The following VPS13D variants were observed in gnomAD, a reference collection of about 807,000 sequenced individuals.
VPS13D encodes vacuolar protein sorting 13 homolog D.
Under a neutral mutation model 461.9 loss-of-function variants are expected in VPS13D, and 187 were observed. The ratio of observed to expected loss-of-function variants is 0.40; its 90% CI spans 0.36 to 0.46. The LOEUF (loss-of-function observed/expected upper bound fraction) is 0.46. VPS13D is among the 20% of genes least tolerant of loss of function. The pLI, the probability that VPS13D is intolerant of heterozygous loss-of-function variation, is 0.60. For missense variants in VPS13D, 4,711 were observed against 5,364.9 expected (o/e 0.88, Z 3.81); for synonymous variants, 1,951 against 1,986.3 (o/e 0.98, Z 0.47).
intron 67 of VPS13D, among the ~76,000 whole-genome samples, chr1:12,493,183 TAAAAA>T (rs779968098): frequency 1.7e-5 from 2 of 116,772 alleles, no homozygotes; most frequent in Non-Finnish European, 3.6e-5. Context: ...GACCAGTTAT[TAAAAA>T]AAAAAAAAAA....
At chr1:12,288,188 T>C (rs369455158) in intron 21 of VPS13D, 35 bp from the exon 22 acceptor site, 2 of 1,555,942 alleles carry the variant, frequency 1.3e-6, no homozygotes, top group Non-Finnish European at 1.8e-6. Context: ...TTCTCCCCAG[T>C]AATATTGGCC....
intron 6 of VPS13D, among the ~76,000 whole-genome samples, chr1:12,252,281 C>T (rs1242580326): frequency 6.6e-6 from 1 of 152,124 alleles, no homozygotes; most frequent in Admixed American, 6.5e-5. Context: ...AGCTACTTTT[C>T]TCAACTCTTA....
rs541696002 is a variant in VPS13D, at chr1:12,242,454, A to G, written c.98-59A>G. 847 of 1,457,590 alleles carry G rather than the reference A, an allele frequency of 5.8e-4. 14 individuals are homozygous for G. The South Asian group carries it at 9.2e-3, about 16-fold the overall frequency. The allele number at this position is 1,457,590 out of a possible 1,614,324, so 90.3% of individuals were successfully genotyped here. ...CTTTAACCTTCAATGCTTTACACACAGTAGGTGGCCTACTGTATTTGTTAA... is the reference window on the plus strand; with the variant it reads ...CTTTAACCTTCAATGCTTTACACACGGTAGGTGGCCTACTGTATTTGTTAA... On this transcript the variant is annotated intron_variant, in intron 2 of 69. Transcript: ENST00000620676.
rs1227811613 is a variant in VPS13D, at chr1:12,282,825, C to G, written c.4723C>G (p.Leu1575Val). Residue 1575 changes from leucine to valine, a missense_variant, in exon 21 of 70, where the codon CTG becomes GTG. Leu to Val is a conservative substitution (Grantham distance 32). Transcript: ENST00000620676. ...ATSSPCPDSP[L>V]PPLSTCGESS... ...CTCCTCCCCTTGCCCTGATTCTCCT[C>G]TGCCTCCCCTCAGTACCTGTGGAGA... The G allele has an allele frequency of 6.2e-7, 1 of 1,614,172 alleles. No individual in the cohort carries two copies. The highest frequency in any genetic ancestry group is 2.2e-5 in the East Asian group (1 of 44,884).
chr1:12,493,123 C>T (rs1450043951), intron 67 of VPS13D, among the ~76,000 whole-genome samples: 1 of 147,940 alleles, frequency 6.8e-6, no homozygotes, highest in African/African-American at 2.5e-5. Flanking sequence ...TAAAGAGAGC[C>T]CAATGATGAG....
At chr1:12,294,299 T>A (rs1642214348) in intron 24 of VPS13D, among the ~76,000 whole-genome samples, 1 of 152,260 alleles carries the variant, frequency 6.6e-6, no homozygotes, top group Non-Finnish European at 1.5e-5. Context: ...GCATAACTTC[T>A]CAAACTTGGA....
intron 60 of VPS13D, among the ~76,000 whole-genome samples, chr1:12,395,055 C>A (rs780084945): frequency 6.6e-6 from 1 of 152,170 alleles, no homozygotes; most frequent in Non-Finnish European, 1.5e-5. Context: ...AACCTCACAT[C>A]TAGGGGCCTG....
intron 2 of VPS13D, among the ~76,000 whole-genome samples, chr1:12,236,158 T>C (rs1640140550): frequency 6.6e-6 from 1 of 152,208 alleles, no homozygotes; most frequent in Non-Finnish European, 1.5e-5. Context: ...TGAAGAATGC[T>C]TCTCCGCAGG....
chr1:12,327,514 G>T (rs992031407), intron 35 of VPS13D, 134 bp from the exon 36 acceptor site: 16 of 342,076 alleles, frequency 4.7e-5, no homozygotes, highest in Non-Finnish European at 1.0e-5. Flanking sequence ...TTAAGTCCAA[G>T]AATACTTCTG....
intron 67 of VPS13D, among the ~76,000 whole-genome samples, chr1:12,486,645 A>G (rs887274004): frequency 6.6e-6 from 1 of 152,066 alleles, no homozygotes; most frequent in African/African-American, 2.4e-5. Flanking sequence ...TGTCCCCCCC[A>G]CGTTGGAATG....
chr1:12,458,162 A>T (rs1283140589), intron 66 of VPS13D, among the ~76,000 whole-genome samples: 1 of 152,240 alleles, frequency 6.6e-6, no homozygotes, highest in African/African-American at 2.4e-5. Context: ...CTTCATCCAA[A>T]GAGGATCCAC....
intron 65 of VPS13D, among the ~76,000 whole-genome samples, chr1:12,420,637 C>G (rs1644851289): frequency 1.3e-5 from 2 of 152,174 alleles, no homozygotes; most frequent in Admixed American, 6.5e-5. Context: ...GAGATTCTTG[C>G]CTCCAAAGAT....
intron 60 of VPS13D, among the ~76,000 whole-genome samples, chr1:12,388,005 T>C (rs1021066110): frequency 2.0e-5 from 3 of 152,166 alleles, no homozygotes; most frequent in Non-Finnish European, 2.9e-5. Context: ...TAGTATCAGA[T>C]TGAAGTCTGT....
At chr1:12,471,062 G>A (rs1302986197) in intron 67 of VPS13D, among the ~76,000 whole-genome samples, 1 of 152,176 alleles carries the variant, frequency 6.6e-6, no homozygotes. Flanking sequence ...AGGACTTTGG[G>A]AGGCTGAAGT....
intron 37 of VPS13D, among the ~76,000 whole-genome samples, chr1:12,332,629 G>A (rs1029971757): frequency 3.3e-5 from 5 of 152,118 alleles, no homozygotes; most frequent in African/African-American, 1.2e-4. Flanking sequence ...GGTGGGAGAG[G>A]GTTGGTGGGA....
rs199896538 is a variant in VPS13D, at chr1:12,283,524, C to T, written c.5422C>T (p.Arg1808Trp). 8.1e-6 allele frequency: 13 copies of T among 1,614,028 alleles called. No individual in the cohort carries two copies. Among genetic ancestry groups the T allele is most frequent in the South Asian group, 4.4e-5 (4 of 91,082 alleles). Residue 1808 changes from arginine to tryptophan, a missense_variant, in exon 21 of 70, where the codon CGG (arginine) becomes TGG (tryptophan). By Grantham distance (101) the Arg-to-Trp change is moderately radical. Coordinates refer to ENST00000620676, the MANE Select transcript of VPS13D (RefSeq NM_015378.4). ...EFSSSYNRVNRSIDVDFNCLD... is the reference protein window; with the variant it reads ...EFSSSYNRVNWSIDVDFNCLD... ...CTCTTCCAGTTACAATCGAGTTAAC[C>T]GGAGCATTGATGTTGATTTTAATTG...
At chr1:12,435,220 A>G (rs1217365296) in intron 65 of VPS13D, among the ~76,000 whole-genome samples, 1 of 152,010 alleles carries the variant, frequency 6.6e-6, no homozygotes, top group Non-Finnish European at 1.5e-5. Context: ...ATATTTTGGG[A>G]GACTGAGGTG....
Position 12,259,755 on chromosome 1 carries a change from A to G in VPS13D, c.1111-938A>G, listed in dbSNP as rs546816480. Among the ~76,000 whole-genome samples the G allele has an allele frequency of 2.6e-5, 4 of 152,310 alleles. No homozygotes were observed. The South Asian group carries it at 8.3e-4, about 32-fold the overall frequency. On this transcript the variant is annotated intron_variant, in intron 10 of 69. Coordinates refer to ENST00000620676, the MANE Select transcript of VPS13D (RefSeq NM_015378.4). ...TCAGGACAGCTAATTCCGCTTTTAA[A>G]AAATGTAGCTGGGTATCATGGTTCT...
chr1:12,408,025 A>G (rs996244576), intron 63 of VPS13D, among the ~76,000 whole-genome samples: 7 of 152,188 alleles, frequency 4.6e-5, no homozygotes, highest in African/African-American at 1.7e-4. Context: ...TATGACTCTA[A>G]GCAAAGCAGT....
Sources: allele counts gnomAD v4.1 joint callset (sites outside exome capture counted in the v4.1 genomes callset), GRCh38; gene constraint gnomAD v4.1.1; transcripts MANE v1.5; gene names NCBI Gene and HGNC (gene_info 2026-07-23, HGNC 2026-07-21).